MAGI3: variants seen among roughly 807,000 people sequenced by gnomAD.
The protein encoded by MAGI3 is membrane-associated guanylate kinase, WW and PDZ domain-containing protein 3.
In MAGI3, 43 loss-of-function variants were observed where a neutral mutation model predicts 121.8. The ratio of observed to expected loss-of-function variants is 0.35; its 90% CI spans 0.28 to 0.46. The LOEUF (loss-of-function observed/expected upper bound fraction) is 0.46, where lower values mean the gene tolerates loss of function less well. Among genes scored for constraint, MAGI3 ranks in the 20% least tolerant of loss-of-function variants. The pLI, the probability that MAGI3 is intolerant of heterozygous loss-of-function variation, is 1.00. For missense variants in MAGI3, 1,547 were observed against 1,797.3 expected (o/e 0.86, Z 2.52); for synonymous variants, 553 against 639.3 (o/e 0.86, Z 2.04).
At chr1:113,444,737 G>GA (rs1654086278) in intron 1 of MAGI3, among the ~76,000 whole-genome samples, 1 of 152,196 alleles carries the variant, frequency 6.6e-6, no homozygotes, top group South Asian at 2.1e-4. Flanking sequence ...TCATTCCAAG[G>GA]AAAAAACTGA....
At chr1:113,427,971 C>T (rs1233676820) in intron 1 of MAGI3, among the ~76,000 whole-genome samples, 3 of 152,034 alleles carry the variant, frequency 2.0e-5, no homozygotes, top group African/African-American at 7.2e-5. Context: ...AAGCAATAGT[C>T]AAATGTTGAG....
chr1:113,456,977 A>C (rs527537187), intron 1 of MAGI3, among the ~76,000 whole-genome samples: 21 of 152,328 alleles, frequency 1.4e-4, no homozygotes, highest in Non-Finnish European at 2.5e-4. Context: ...ATATCTAGAA[A>C]CCAAAGAGAA....
Position 113,451,596 on chromosome 1 carries a change from C to T in MAGI3, c.316+60247C>T, listed in dbSNP as rs570221619. Among the ~76,000 whole-genome samples, 19 of 152,014 alleles carry T rather than the reference C, an allele frequency of 1.2e-4. No individual in the cohort carries two copies. The East Asian group carries it at 3.7e-3, about 29-fold the overall frequency. ...AATGTTATTTTTGAGACTTTTGTTC[C>T]TTATAAGGAAATAGACATCAATTAA... On this transcript the variant is annotated intron_variant, in intron 1 of 20. Transcript: ENST00000307546.
chr1:113,567,299 T>G (rs1236270657), intron 2 of MAGI3, among the ~76,000 whole-genome samples: 1 of 151,830 alleles, frequency 6.6e-6, no homozygotes, highest in African/African-American at 2.4e-5. Context: ...ATCAAAAACC[T>G]CCCAACAAAG....
At chr1:113,538,218 G>A (rs1659095593) in intron 1 of MAGI3, among the ~76,000 whole-genome samples, 1 of 152,128 alleles carries the variant, frequency 6.6e-6, no homozygotes, top group Non-Finnish European at 1.5e-5. Context: ...TTCCCTTTCA[G>A]CTGTCTCTTT....
rs532465199 is a variant in MAGI3 at position 113,639,249 on chromosome 1, A to G, written c.1361-2662A>G. On this transcript the variant is annotated intron_variant, in intron 9 of 20. Coordinates refer to ENST00000307546, the MANE Select transcript of MAGI3 (RefSeq NM_001142782.2). ...CGGTGCGCTGCACCCACTATCCTGC[A>G]CCCACTGTCTGGCACTCCCTAGTGA... Among the ~76,000 whole-genome samples, 815 of 152,218 alleles carry G rather than the reference A, an allele frequency of 5.4e-3. 3 individuals carry two copies. Among genetic ancestry groups the G allele is most frequent in the South Asian group, 0.023 (111 of 4,826 alleles).
chr1:113,434,896 G>C (rs1346919676), intron 1 of MAGI3, among the ~76,000 whole-genome samples: 1 of 152,046 alleles, frequency 6.6e-6, no homozygotes, highest in Non-Finnish European at 1.5e-5. Flanking sequence ...TTTTAGCAAG[G>C]CCTTGTTTTT....
At position 113,672,639 on chromosome 1, in the gene MAGI3, A is replaced by G. The variant is rs767538275; in HGVS notation, c.2943A>G (p.Gly981=). 9 of 1,613,646 alleles carry G rather than the reference A, an allele frequency of 5.6e-6. No homozygotes were observed. The highest frequency in any genetic ancestry group is 6.8e-6 in the Non-Finnish European group (8 of 1,179,756). The part of the protein sequence containing the change: ...GDRSALEGEI[G]KDVSTSYRHS... ...GAAGTGCCCTAGAAGGTGAAATTGG[A>G]AAAGATGTCTCCACTTCTTACAGAC... is the stretch of plus-strand genomic sequence containing the variant. Residue 981 remains glycine, a synonymous_variant, in exon 18 of 21, where the codon GGA becomes GGG. Coordinates refer to ENST00000307546, the MANE Select transcript of MAGI3 (RefSeq NM_001142782.2).
intron 9 of MAGI3, among the ~76,000 whole-genome samples, chr1:113,639,606 T>C (rs1451022430): frequency 6.6e-6 from 1 of 151,824 alleles, no homozygotes; most frequent in African/African-American, 2.4e-5. Context: ...TTACTCTTGT[T>C]GCCCAGGCTG....
At chr1:113,420,025 G>C (rs761127891) in intron 1 of MAGI3, among the ~76,000 whole-genome samples, 16 of 152,146 alleles carry the variant, frequency 1.1e-4, no homozygotes, top group Non-Finnish European at 1.9e-4. Context: ...AGTCCAAAGG[G>C]ATAGAATTAG....
At chr1:113,602,942 C>A (rs999740550) in intron 6 of MAGI3, among the ~76,000 whole-genome samples, 2 of 151,260 alleles carry the variant, frequency 1.3e-5, no homozygotes, top group Non-Finnish European at 3.0e-5. Flanking sequence ...TAAAAAAAAT[C>A]AAAGTGTGTG....
chr1:113,639,198 T>C (rs187357990), intron 9 of MAGI3, among the ~76,000 whole-genome samples: 1 of 152,356 alleles, frequency 6.6e-6, no homozygotes, highest in Admixed American at 6.5e-5. Flanking sequence ...AGTGAGGCAA[T>C]GCCTCGCCCT....
intron 1 of MAGI3, among the ~76,000 whole-genome samples, chr1:113,453,153 G>A (rs1327414755): frequency 3.3e-5 from 5 of 152,056 alleles, no homozygotes; most frequent in Non-Finnish European, 5.9e-5. Context: ...TGGAGCCAAT[G>A]GTTGATTAAT....
chr1:113,580,524 T>G lies in MAGI3; in HGVS notation c.434-18T>G. The G allele has an allele frequency of 1.3e-6, 2 of 1,581,990 alleles. No homozygotes were observed. Among genetic ancestry groups the G allele is most frequent in the Non-Finnish European group, 1.7e-6 (2 of 1,169,324 alleles). On this transcript the variant is annotated intron_variant, in intron 2 of 20. Coordinates refer to ENST00000307546, the MANE Select transcript of MAGI3 (RefSeq NM_001142782.2). ...TAAAAGTACTTTACAACCTACTTTT[T>G]TTTTTCTTTTTTCTTAGGCACTACA...
chr1:113,491,617 A>G (rs1656670415), intron 1 of MAGI3, among the ~76,000 whole-genome samples: 2 of 152,138 alleles, frequency 1.3e-5, no homozygotes, highest in Non-Finnish European at 2.9e-5. Context: ...AATAAAATAG[A>G]CCATTAGCTA....
chr1:113,653,078 C>A (rs556393705), intron 14 of MAGI3, among the ~76,000 whole-genome samples: 1 of 152,334 alleles, frequency 6.6e-6, no homozygotes, highest in African/African-American at 2.4e-5. Context: ...TCATATAAGA[C>A]AAATCCTGTA....
chr1:113,585,667 A>G (rs1648323453), intron 4 of MAGI3, 71 bp downstream of exon 4: 1 of 1,392,934 alleles, frequency 7.2e-7, no homozygotes, highest in South Asian at 1.4e-5. Flanking sequence ...AATTAAAAGC[A>G]CTAAAATTTT....
In MAGI3 at chr1:113,649,239, C is replaced by T. The variant is rs188008799; in HGVS notation, c.2158C>T (p.Pro720Ser). 1 of 1,610,876 alleles carries T rather than the reference C, an allele frequency of 6.2e-7. No homozygotes were observed. Among genetic ancestry groups the T allele is most frequent in the African/African-American group, 1.3e-5 (1 of 74,854 alleles). ...KSKTLYEDKP[P>S]NTKDLDVFLR... ...TTATATTTTCTGATTTTCCTCAGCA[C>T]CAAACACCAAAGATTTGGATGTTTT... Residue 720 changes from proline (P) to serine (S), a missense_variant and splice_region_variant, in exon 13 of 21, where the codon CCA (proline) becomes TCA (serine). Transcript: ENST00000307546.
chr1:113,491,671 A>C (rs1455064639), intron 1 of MAGI3, among the ~76,000 whole-genome samples: 2 of 152,134 alleles, frequency 1.3e-5, no homozygotes, highest in Non-Finnish European at 2.9e-5. Context: ...AATGATCAGA[A>C]ATGACAAGGG....
Sources: gnomAD v4.1 joint callset for allele counts (sites outside exome capture counted in the v4.1 genomes callset) on GRCh38, gnomAD v4.1.1 for gene constraint, MANE v1.5 for transcripts, NCBI Gene and HGNC (gene_info 2026-07-23, HGNC 2026-07-21) for gene names.